The following RHBDD1 variants were observed in gnomAD, a reference collection of about 807,000 sequenced individuals.
RHBDD1 encodes the protein rhomboid domain containing 1, also known as rhomboid-related protein 4.
A neutral mutation model predicts 36.3 loss-of-function variants in RHBDD1; 38 were observed. The ratio of observed to expected loss-of-function variants is 1.05; its 90% CI spans 0.81 to 1.37. The LOEUF (loss-of-function observed/expected upper bound fraction) is 1.37, where lower values mean the gene tolerates loss of function less well. RHBDD1 is among the 40% of genes most tolerant of loss of function. The probability of loss-of-function intolerance (pLI) is 0.00; values close to 1 mark genes in which losing one functional copy is unlikely to be tolerated. For synonymous variants in RHBDD1, 151 were observed against 136.5 expected, an observed-to-expected ratio of 1.11 and a Z score of -0.74; for missense variants, 393 against 377.6, an observed-to-expected ratio of 1.04 and a Z score of -0.34.
In RHBDD1 at chr2:226,984,513, C is replaced by T. The variant is rs75932102; in HGVS notation, c.857-10918C>T. On this transcript the variant is annotated intron_variant, in intron 8 of 8. Coordinates refer to ENST00000392062, the MANE Select transcript of RHBDD1 (RefSeq NM_001167608.3). ...CCTAATTACCTCCCAAAGGCCCCACCTCCACATGCCATCACATTGAGGGTT... is the reference window on the plus strand; with the variant it reads ...CCTAATTACCTCCCAAAGGCCCCACTTCCACATGCCATCACATTGAGGGTT... Among the ~76,000 whole-genome samples, 78 of 152,296 alleles carry T rather than the reference C, an allele frequency of 5.1e-4. No individual in the cohort carries two copies. In the East Asian group the frequency reaches 0.013, roughly 25 times the overall value.
chr2:226,867,211 T>C lies in RHBDD1; in HGVS notation c.459T>C (p.Leu153=), dbSNP rs1033885698. 1.2e-6 allele frequency: 2 copies of C among 1,611,408 alleles called. No homozygotes were observed. Among genetic ancestry groups the C allele is most frequent in the African/African-American group, 2.7e-5 (2 of 74,820 alleles). ...FSGVLFALKV[L]NNHYCPGGFV... ...GAGTTTTGTTTGCTTTGAAAGTTCTTAACAACCATTATTGCCCTGGAGGCT... is the reference window on the plus strand; with the variant it reads ...GAGTTTTGTTTGCTTTGAAAGTTCTCAACAACCATTATTGCCCTGGAGGCT... The change falls in exon 5 of 9, where the codon CTT becomes CTC. Residue 153 remains leucine, a synonymous_variant. Transcript: ENST00000392062.
intron 7 of RHBDD1, among the ~76,000 whole-genome samples, chr2:226,912,613 T>C (rs994018478): frequency 6.6e-6 from 1 of 152,184 alleles, no homozygotes; most frequent in Non-Finnish European, 1.5e-5. Context: ...AAATGCCACA[T>C]ATTACATGAT....
chr2:226,885,117 C>T (rs1946100774), intron 5 of RHBDD1, among the ~76,000 whole-genome samples: 1 of 152,044 alleles, frequency 6.6e-6, no homozygotes. Context: ...TTCTGTATAA[C>T]ACTAGGTAAC....
At chr2:226,895,455 G>A (rs965971554) in intron 5 of RHBDD1, among the ~76,000 whole-genome samples, 8 of 152,058 alleles carry the variant, frequency 5.3e-5, no homozygotes, top group African/African-American at 1.9e-4. Context: ...ACTCAGCATG[G>A]AATATAGAAG....
At chr2:226,869,758 T>C (rs913853573) in intron 5 of RHBDD1, among the ~76,000 whole-genome samples, 5 of 152,170 alleles carry the variant, frequency 3.3e-5, no homozygotes, top group African/African-American at 1.2e-4. Flanking sequence ...TCTCACAGTG[T>C]CTGTGTGTAC....
chr2:226,807,280 T>C, the RHBDD1 span, among the ~76,000 whole-genome samples: 1 of 152,176 alleles, frequency 6.6e-6, no homozygotes, highest in Non-Finnish European at 1.5e-5. Context: ...TCTTGTAAAT[T>C]TGTATTTTAT....
rs903004496 is a variant in RHBDD1 at position 226,995,864 on chromosome 2, A to G, written c.*342A>G. 8.2e-6 allele frequency: 2 copies of G among 245,216 alleles called. No homozygotes were observed. Among genetic ancestry groups the G allele is most frequent in the African/African-American group, 4.5e-5 (2 of 44,360 alleles). 15.2% of individuals were successfully genotyped at this position (245,216 alleles called of 1,614,324 possible). On this transcript the variant is annotated 3_prime_UTR_variant, in exon 9 of 9. Coordinates refer to ENST00000392062, the MANE Select transcript of RHBDD1 (RefSeq NM_001167608.3). ...ACCTTCACCAGGAGGTTTTACTTAC[A>G]CCAGTCGGGAAGATTAGTCCCTCAT... is the stretch of plus-strand genomic sequence containing the variant.
rs557355902 is a variant in RHBDD1 at position 226,963,871 on chromosome 2, A to G, written c.857-31560A>G. On this transcript the variant is annotated intron_variant, in intron 8 of 8. Coordinates refer to ENST00000392062, the MANE Select transcript of RHBDD1 (RefSeq NM_001167608.3). The stretch of plus-strand genomic sequence containing the variant: ...CCCCCAACCTCCCATCATGAAAACT[A>G]CAAACGAACCTATTCTGTACTCACC... 1.1e-4 allele frequency among the ~76,000 whole-genome samples: 17 copies of G among 152,268 alleles called. No individual in the cohort carries two copies. The East Asian group carries it at 3.3e-3, about 29-fold the overall frequency.
At chr2:226,976,366 G>A (rs879372044) in intron 8 of RHBDD1, among the ~76,000 whole-genome samples, 6 of 151,016 alleles carry the variant, frequency 4.0e-5, no homozygotes, top group African/African-American at 1.2e-4. Context: ...AAGTCGAGAC[G>A]TCTGCTTCAG....
At chr2:226,963,619 A>T (rs4234063) in intron 8 of RHBDD1, among the ~76,000 whole-genome samples, 74,953 of 151,836 alleles carry the variant, frequency 0.49, 19,369 homozygotes, top group African/African-American at 0.66. Flanking sequence ...TTTCTGGTCC[A>T]TATAAATACC....
intron 3 of RHBDD1, among the ~76,000 whole-genome samples, chr2:226,849,345 A>C (rs889379930): frequency 1.3e-5 from 2 of 152,356 alleles, no homozygotes; most frequent in African/African-American, 4.8e-5. Context: ...GCACCGGTGG[A>C]GCGAGCATAT....
the RHBDD1 span, among the ~76,000 whole-genome samples, chr2:226,820,104 GA>G: frequency 1.3e-5 from 2 of 151,388 alleles, no homozygotes; most frequent in African/African-American, 4.9e-5. Flanking sequence ...TTGGCACTGT[GA>G]ATTTGAACTA....
In RHBDD1 at chr2:226,974,276, C is replaced by T. The variant is rs187530909; in HGVS notation, c.857-21155C>T. Reference sequence around the variant, plus strand: ...TTTTTGAGACAGAGTCTCGCTCTGTCGCCCAGGCTGGAGTGCAGTGGTGTG... The same window carrying T: ...TTTTTGAGACAGAGTCTCGCTCTGTTGCCCAGGCTGGAGTGCAGTGGTGTG... On this transcript the variant is annotated intron_variant, in intron 8 of 8. Transcript: ENST00000392062. Among the ~76,000 whole-genome samples, 507 of 151,190 alleles carry T rather than the reference C, an allele frequency of 3.4e-3. 4 individuals carry two copies. Among genetic ancestry groups the T allele is most frequent in the African/African-American group, 0.012 (474 of 41,010 alleles).
chr2:226,881,563 T>G (rs979144584), intron 5 of RHBDD1, among the ~76,000 whole-genome samples: 3 of 152,188 alleles, frequency 2.0e-5, no homozygotes, highest in Middle Eastern at 3.2e-3. Flanking sequence ...TATTGGTAGG[T>G]CTTGGCTCCC....
At chr2:226,993,089 G>A (rs1056716553) in intron 8 of RHBDD1, among the ~76,000 whole-genome samples, 1 of 152,216 alleles carries the variant, frequency 6.6e-6, no homozygotes, top group Non-Finnish European at 1.5e-5. Flanking sequence ...TGGGTCCAAG[G>A]CCGTGTGTGC....
intron 8 of RHBDD1, among the ~76,000 whole-genome samples, chr2:226,962,803 A>G (rs886288439): frequency 5.3e-5 from 8 of 152,330 alleles, no homozygotes; most frequent in East Asian, 1.9e-4. Flanking sequence ...GAAAATAAAG[A>G]TAGTCTTATT....
At chr2:226,870,591 C>T (rs912408723) in intron 5 of RHBDD1, among the ~76,000 whole-genome samples, 31 of 152,242 alleles carry the variant, frequency 2.0e-4, no homozygotes, top group African/African-American at 6.0e-4. Context: ...AGGGATGCTG[C>T]GCCCCCATGT....
intron 8 of RHBDD1, among the ~76,000 whole-genome samples, chr2:226,947,956 T>C (rs894901719): frequency 6.6e-6 from 1 of 152,218 alleles, no homozygotes; most frequent in South Asian, 2.1e-4. Context: ...GGAACACTTT[T>C]ACACTGTTGG....
At chr2:226,982,345 A>G (rs1027865162) in intron 8 of RHBDD1, among the ~76,000 whole-genome samples, 1 of 152,250 alleles carries the variant, frequency 6.6e-6, no homozygotes, top group African/African-American at 2.4e-5. Context: ...TAGGCCGCAG[A>G]TAATCTCAGG....
Sources: allele counts gnomAD v4.1 joint callset (sites outside exome capture counted in the v4.1 genomes callset), GRCh38; gene constraint gnomAD v4.1.1; transcripts MANE v1.5; gene names NCBI Gene and HGNC (gene_info 2026-07-23, HGNC 2026-07-21).